Variants in CEP295 observed in about 807,000 individuals in gnomAD.
The protein encoded by CEP295 is centrosomal protein of 295 kDa.
A neutral mutation model predicts 291.6 loss-of-function variants in CEP295; 190 were observed. That is an observed-to-expected ratio of 0.65 (90% confidence interval 0.58 to 0.73). The LOEUF (loss-of-function observed/expected upper bound fraction) is 0.73, where lower values mean the gene tolerates loss of function less well. Among genes scored for constraint, CEP295 ranks in the 30% least tolerant of loss-of-function variants. The pLI is 0.00. For synonymous variants in CEP295, 993 were observed against 1,038.8 expected, an observed-to-expected ratio of 0.96 and a Z score of 0.85; for missense variants, 2,863 against 2,949.4, an observed-to-expected ratio of 0.97 and a Z score of 0.68.
intron 1 of CEP295, among the ~76,000 whole-genome samples, chr11:93,665,725 ATC>A (rs1950180100): frequency 1.3e-5 from 2 of 152,192 alleles, no homozygotes; most frequent in South Asian, 4.1e-4. Context: ...AGAAGAATAG[ATC>A]TGGAAAACTA....
chr11:93,710,690 TTAGTTTGCCTTTA>T (rs1952834005), intron 18 of CEP295, among the ~76,000 whole-genome samples: 1 of 152,210 alleles, frequency 6.6e-6, no homozygotes, highest in Non-Finnish European at 1.5e-5. Flanking sequence ...GGGATTGGTA[TTAGTTTGCCTTTA>T]AGTGTTCGGT....
rs1438878327 is a variant in CEP295, at chr11:93,684,006, T to A, written c.992T>A (p.Leu331Ter). Residue 331 changes from leucine to a stop codon, truncating the protein, a stop_gained, in exon 9 of 30, where the codon TTG (leucine) becomes TAG (stop). Transcript: ENST00000325212. LOFTEE classifies it high-confidence loss of function. ...NLILHLEPEPLPTVTNQIQDE... is the reference protein window; with the variant it reads ...NLILHLEPEP Reference sequence around the variant, plus strand: ...ATTCTGCACCTTGAACCAGAGCCCTTGCCCACTGTGACTAATCAGATCCAA... The same window carrying A: ...ATTCTGCACCTTGAACCAGAGCCCTAGCCCACTGTGACTAATCAGATCCAA... 3.9e-6 allele frequency: 6 copies of A among 1,551,816 alleles called. No homozygotes were observed. Among genetic ancestry groups the A allele is most frequent in the Non-Finnish European group, 4.4e-6 (5 of 1,147,016 alleles).
chr11:93,683,076 A>G (rs778501571), intron 7 of CEP295, among the ~76,000 whole-genome samples: 3 of 152,230 alleles, frequency 2.0e-5, no homozygotes, highest in Non-Finnish European at 4.4e-5. Flanking sequence ...ATGGAAATTC[A>G]TAAGAGTGTG....
Position 93,697,406 on chromosome 11 carries a change from A to G in CEP295, c.2494A>G (p.Arg832Gly). ...TTCTATAATCAGCCAAATGCATGAT[A>G]GGCCTTTGCTGCCGTCAGAGAATAT... is the stretch of plus-strand genomic sequence containing the variant. ...SHSIISQMHD[R>G]PLLPSENITA... Residue 832 changes from arginine (R) to glycine (G), a missense_variant, in exon 15 of 30, where the codon AGG becomes GGG. Physicochemically the swap from Arg to Gly is moderately radical, Grantham distance 125. Coordinates refer to ENST00000325212, the MANE Select transcript of CEP295 (RefSeq NM_033395.2). The G allele has an allele frequency of 6.4e-7, 1 of 1,552,224 alleles. No homozygotes were observed. Among genetic ancestry groups the G allele is most frequent in the East Asian group, 2.4e-5 (1 of 40,930 alleles).
chr11:93,730,306 A>G lies in CEP295; in HGVS notation c.*37A>G, dbSNP rs1355452224. ...TAGTGTAAAGGTTTTTTAATTGTGT[A>G]TATGTAGCATTAGACAAAATTATTT... On this transcript the variant is annotated 3_prime_UTR_variant, in exon 30 of 30. Coordinates refer to ENST00000325212, the MANE Select transcript of CEP295 (RefSeq NM_033395.2). The G allele has an allele frequency of 7.3e-6, 10 of 1,375,910 alleles. No homozygotes were observed. Among genetic ancestry groups the G allele is most frequent in the Non-Finnish European group, 9.1e-6 (9 of 992,326 alleles). 85.2% of individuals were successfully genotyped at this position (1,375,910 alleles called of 1,614,324 possible).
rs890873924 is a variant in CEP295, at chr11:93,704,282, G to C, written c.5596+1363G>C. On this transcript the variant is annotated intron_variant, in intron 17 of 29. Coordinates refer to ENST00000325212, the MANE Select transcript of CEP295 (RefSeq NM_033395.2). ...GCTGTAATGTTAATATTAGCTGTTTGATCTTCAGCTATAAAATATTGTACC... is the reference window on the plus strand; with the variant it reads ...GCTGTAATGTTAATATTAGCTGTTTCATCTTCAGCTATAAAATATTGTACC... Among the ~76,000 whole-genome samples the C allele has an allele frequency of 4.6e-5, 7 of 152,270 alleles. No individual in the cohort carries two copies. In the East Asian group the frequency reaches 7.7e-4, roughly 17 times the overall value.
chr11:93,671,200 A>G (rs1051712162), intron 5 of CEP295, among the ~76,000 whole-genome samples: 5 of 152,280 alleles, frequency 3.3e-5, no homozygotes, highest in South Asian at 2.1e-4. Context: ...TTTTAGGAAA[A>G]CAGGATATAT....
Position 93,730,306 on chromosome 11 carries a change from A to T in CEP295, c.*37A>T, listed in dbSNP as rs1355452224. 3 of 1,375,910 alleles carry T rather than the reference A, an allele frequency of 2.2e-6. No individual in the cohort carries two copies. The highest frequency in any genetic ancestry group is 2.9e-5 in the African/African-American group (2 of 68,944). 85.2% of individuals were successfully genotyped at this position (1,375,910 alleles called of 1,614,324 possible). On this transcript the variant is annotated 3_prime_UTR_variant, in exon 30 of 30. Coordinates refer to ENST00000325212, the MANE Select transcript of CEP295 (RefSeq NM_033395.2). ...TAGTGTAAAGGTTTTTTAATTGTGT[A>T]TATGTAGCATTAGACAAAATTATTT...
intron 15 of CEP295, 37 bp from the exon 16 acceptor site, chr11:93,702,423 A>C (rs1156773919): frequency 7.0e-7 from 1 of 1,424,758 alleles, no homozygotes; most frequent in Admixed American, 2.8e-5. Context: ...ATGATCCCCC[A>C]ACTTGTGCTT....
chr11:93,672,134 C>T (rs570449597), intron 5 of CEP295, among the ~76,000 whole-genome samples: 23 of 152,124 alleles, frequency 1.5e-4, no homozygotes, highest in African/African-American at 5.1e-4. Flanking sequence ...TAGGTAAGTG[C>T]GATAACCAGA....
rs77349551 is a variant in CEP295 at position 93,707,992 on chromosome 11, A to C, written c.5749+1095A>C. Among the ~76,000 whole-genome samples the C allele has an allele frequency of 1.9e-3, 286 of 152,334 alleles. 11 individuals carry two copies. In the East Asian group the frequency reaches 0.052, roughly 28 times the overall value. On this transcript the variant is annotated intron_variant, in intron 18 of 29. Coordinates refer to ENST00000325212, the MANE Select transcript of CEP295 (RefSeq NM_033395.2). ...TAAAGGATATAATTTTCAGTGAGCT[A>C]TAATTTTTGACATTTTAAAATAAAA... is the stretch of plus-strand genomic sequence containing the variant.
intron 1 of CEP295, among the ~76,000 whole-genome samples, chr11:93,662,309 C>T (rs1365444609): frequency 1.3e-5 from 2 of 152,202 alleles, no homozygotes; most frequent in Admixed American, 1.3e-4. Context: ...GTCACATAGA[C>T]GTCAGAACAA....
chr11:93,689,788 C>T (rs915185883), intron 10 of CEP295, among the ~76,000 whole-genome samples: 1 of 152,312 alleles, frequency 6.6e-6, no homozygotes, highest in South Asian at 2.1e-4. Flanking sequence ...GCTATGTCCC[C>T]AGAGTCTAGA....
Position 93,699,033 on chromosome 11 carries a change from A to T in CEP295, c.4121A>T (p.Glu1374Val). 6.5e-7 allele frequency: 1 copy of T among 1,546,658 alleles called. No individual in the cohort carries two copies. Among genetic ancestry groups the T allele is most frequent in the Non-Finnish European group, 8.7e-7 (1 of 1,147,056 alleles). ...AIILARQEAR[E>V]ELLLHQSEWE... The stretch of plus-strand genomic sequence containing the variant: ...ATTCTAGCTAGACAAGAAGCTCGGG[A>T]AGAATTACTTTTACATCAGAGTGAA... The change falls in exon 15 of 30, where the codon GAA becomes GTA. Residue 1374 changes from glutamate (E) to valine (V), a missense_variant. Transcript: ENST00000325212.
chr11:93,690,237 C>G (rs1358145221), intron 10 of CEP295, among the ~76,000 whole-genome samples: 2 of 152,056 alleles, frequency 1.3e-5, no homozygotes, highest in Non-Finnish European at 2.9e-5. Context: ...CGGTGAAACC[C>G]CGTCTCCACT....
intron 18 of CEP295, among the ~76,000 whole-genome samples, chr11:93,713,967 G>A (rs1299458854): frequency 2.6e-5 from 4 of 152,038 alleles, no homozygotes; most frequent in Non-Finnish European, 5.9e-5. Flanking sequence ...TCAGTATGTC[G>A]ATTGCATTTT....
intron 15 of CEP295, among the ~76,000 whole-genome samples, chr11:93,701,052 T>G (rs1194238565): frequency 6.6e-6 from 1 of 152,144 alleles, no homozygotes; most frequent in Non-Finnish European, 1.5e-5. Context: ...TAAATTTGAA[T>G]GTATCTGTTT....
At chr11:93,687,474 T>C (rs1951301398) in intron 9 of CEP295, among the ~76,000 whole-genome samples, 170 bp from the exon 10 acceptor site, 1 of 152,222 alleles carries the variant, frequency 6.6e-6, no homozygotes, top group Admixed American at 6.5e-5. Context: ...CTAGTTATAA[T>C]GATTGGAGTC....
rs1165085945 is a variant in CEP295, at chr11:93,728,892, CAGAAGGTACTCAT to C, written c.7302+72_7302+84del. On this transcript the variant is annotated intron_variant, in intron 25 of 29. Transcript: ENST00000325212. ...AGTTGATTTGTCTCTTACAACTTAT[CAGAAGGTACTCAT>C]TGGAGGGAATTATGCTATGCATTTA... 2.4e-5 allele frequency: 32 copies of C among 1,343,062 alleles called. No homozygotes were observed. The Admixed American group carries it at 7.7e-4, about 32-fold the overall frequency. The allele number at this position is 1,343,062 out of a possible 1,614,324, so 83.2% of individuals were successfully genotyped here.
Sources: gnomAD v4.1 joint callset for allele counts (sites outside exome capture counted in the v4.1 genomes callset) on GRCh38, gnomAD v4.1.1 for gene constraint, MANE v1.5 for transcripts, NCBI Gene and HGNC (gene_info 2026-07-23, HGNC 2026-07-21) for gene names.